The following RYR2 variants were observed in gnomAD, a reference collection of about 807,000 sequenced individuals.
RYR2 encodes the protein ryanodine receptor 2, also known as cardiac muscle ryanodine receptor-calcium release channel.
RYR2 carries 227 observed loss-of-function variants against 601.1 expected under a neutral mutation model. The observed-to-expected ratio is 0.38, with a 90% confidence interval of 0.34 to 0.42. The LOEUF (loss-of-function observed/expected upper bound fraction) is 0.42, where lower values mean the gene tolerates loss of function less well. Ranked by LOEUF, RYR2 falls within the 10% of genes least tolerant of loss-of-function variation. RYR2 has a pLI of 1.00. For missense variants in RYR2, 4,646 were observed against 6,156.5 expected (o/e 0.75, Z 8.21); for synonymous variants, 2,223 against 2,175.1 (o/e 1.02, Z -0.61).
At chr1:237,343,820 T>A (rs1057227233) in intron 3 of RYR2, among the ~76,000 whole-genome samples, 1 of 150,736 alleles carries the variant, frequency 6.6e-6, no homozygotes, top group South Asian at 2.1e-4. Context: ...AGAGGTTTTT[T>A]GTTTTTTTTT....
chr1:237,224,705 T>A (rs963896223), intron 1 of RYR2, among the ~76,000 whole-genome samples: 9 of 151,728 alleles, frequency 5.9e-5, no homozygotes, highest in African/African-American at 2.2e-4. Flanking sequence ...AAAAACATTT[T>A]AAAAAAAAGT....
At chr1:237,619,090 A>C (rs1678801078) in intron 38 of RYR2, among the ~76,000 whole-genome samples, 1 of 152,196 alleles carries the variant, frequency 6.6e-6, no homozygotes, top group Non-Finnish European at 1.5e-5. Flanking sequence ...CAGGTGAAAC[A>C]GAGTTAAAAA....
chr1:237,081,142 A>AG (rs1425472962), intron 1 of RYR2, among the ~76,000 whole-genome samples: 1 of 76,878 alleles, frequency 1.3e-5, no homozygotes, highest in African/African-American at 5.3e-5. Context: ...GGGTCGGGGG[A>AG]GGGGGGAGGG....
intron 87 of RYR2, among the ~76,000 whole-genome samples, chr1:237,774,938 G>A (rs924942056): frequency 2.0e-5 from 3 of 151,790 alleles, no homozygotes; most frequent in Non-Finnish European, 4.4e-5. Flanking sequence ...TGAATGTATC[G>A]AAATCTAGAA....
At chr1:237,197,559 A>G (rs977002348) in intron 1 of RYR2, among the ~76,000 whole-genome samples, 1 of 152,244 alleles carries the variant, frequency 6.6e-6, no homozygotes, top group African/African-American at 2.4e-5. Context: ...AATATGATTA[A>G]TTAAGCAAAT....
In RYR2 at chr1:237,608,562, TGTG is replaced by T. The variant is rs1559105807; in HGVS notation, c.4684-2193_4684-2191del. Among the ~76,000 whole-genome samples, 4 of 152,200 alleles carry T rather than the reference TGTG, an allele frequency of 2.6e-5. No individual in the cohort carries two copies. In the South Asian group the frequency reaches 8.3e-4, roughly 32 times the overall value. On this transcript the variant is annotated intron_variant, in intron 35 of 104. Coordinates refer to ENST00000366574, the MANE Select transcript of RYR2 (RefSeq NM_001035.3). ...AAAATAAAAAATTATTTTAGGCAGA[TGTG>T]GTGGTGCACGCCTTTAGTCCCAGAT...
chr1:237,749,662 C>A (rs1692376030), intron 80 of RYR2, among the ~76,000 whole-genome samples: 1 of 152,054 alleles, frequency 6.6e-6, no homozygotes, highest in African/African-American at 2.4e-5. Context: ...CTACCCTTAA[C>A]AGTTGTGTGG....
chr1:237,427,014 A>C (rs1306904193), intron 12 of RYR2, among the ~76,000 whole-genome samples: 1 of 152,228 alleles, frequency 6.6e-6, no homozygotes, highest in African/African-American at 2.4e-5. Flanking sequence ...TCTTCTTAAG[A>C]TTGAAAACTC....
At chr1:237,246,070 A>T (rs268781) in intron 1 of RYR2, among the ~76,000 whole-genome samples, 1 of 148,110 alleles carries the variant, frequency 6.8e-6, no homozygotes, top group South Asian at 2.1e-4. Context: ...GTGAGCCACC[A>T]CACCTGGCTG....
intron 63 of RYR2, among the ~76,000 whole-genome samples, chr1:237,694,150 C>T (rs913064530): frequency 2.6e-5 from 4 of 151,690 alleles, no homozygotes; most frequent in South Asian, 2.1e-4. Flanking sequence ...AAAAATTAGC[C>T]GGGCGTGGTG....
chr1:237,631,946 C>CT (rs1294199604), intron 42 of RYR2, among the ~76,000 whole-genome samples: 2 of 151,868 alleles, frequency 1.3e-5, no homozygotes, highest in Non-Finnish European at 2.9e-5. Flanking sequence ...ATTGTAGATT[C>CT]TTAATGAGAA....
intron 1 of RYR2, among the ~76,000 whole-genome samples, chr1:237,265,988 A>G (rs552619621): frequency 6.6e-6 from 1 of 152,336 alleles, no homozygotes; most frequent in Admixed American, 6.5e-5. Flanking sequence ...TTGTATAAAG[A>G]AAGATCAATA....
At chr1:237,703,251 T>G (rs1688103446) in intron 66 of RYR2, among the ~76,000 whole-genome samples, 1 of 151,986 alleles carries the variant, frequency 6.6e-6, no homozygotes, top group Admixed American at 6.6e-5. Flanking sequence ...AAGTGAATGC[T>G]AATTTCCTCA....
chr1:237,388,961 A>ATTTT (rs1702157642), intron 10 of RYR2, among the ~76,000 whole-genome samples: 5 of 152,138 alleles, frequency 3.3e-5, no homozygotes, highest in Admixed American at 2.6e-4. Flanking sequence ...TAATTTAATA[A>ATTTT]AAATACATAG....
intron 2 of RYR2, among the ~76,000 whole-genome samples, chr1:237,310,625 G>A (rs1179695070): frequency 2.6e-5 from 4 of 152,140 alleles, no homozygotes; most frequent in African/African-American, 7.2e-5. Context: ...CAACTTTGGA[G>A]AAAGGCACAC....
chr1:237,284,569 T>C (rs997969234), intron 2 of RYR2, among the ~76,000 whole-genome samples: 1 of 87,984 alleles, frequency 1.1e-5, no homozygotes, highest in African/African-American at 7.1e-5. Flanking sequence ...TTCCACCATA[T>C]ATATACACAC....
At chr1:237,208,999 G>A (rs1310738678) in intron 1 of RYR2, among the ~76,000 whole-genome samples, 1 of 111,040 alleles carries the variant, frequency 9.0e-6, no homozygotes, top group East Asian at 2.8e-4. Context: ...TACTGTAATT[G>A]AACTATGATT....
At chr1:237,205,329 G>A (rs1377403042) in intron 1 of RYR2, among the ~76,000 whole-genome samples, 1 of 152,180 alleles carries the variant, frequency 6.6e-6, no homozygotes, top group African/African-American at 2.4e-5. Context: ...GCCCTTGGGA[G>A]CCATGGAGGG....
intron 63 of RYR2, among the ~76,000 whole-genome samples, chr1:237,698,508 T>C (rs924439532): frequency 1.3e-5 from 2 of 152,152 alleles, no homozygotes; most frequent in African/African-American, 2.4e-5. Flanking sequence ...GCAAATTAAT[T>C]CATCTTAATG....
Sources: allele counts gnomAD v4.1 joint callset (sites outside exome capture counted in the v4.1 genomes callset), GRCh38; gene constraint gnomAD v4.1.1; transcripts MANE v1.5; gene names NCBI Gene and HGNC (gene_info 2026-07-23, HGNC 2026-07-21).